Variants in KCNAB1 observed in about 807,000 individuals in gnomAD.
KCNAB1 encodes potassium voltage-gated channel subfamily A regulatory beta subunit 1, also known as voltage-gated potassium channel subunit beta-1.
A neutral mutation model predicts 64.6 loss-of-function variants in KCNAB1; 35 were observed. The ratio of observed to expected loss-of-function variants is 0.54; its 90% CI spans 0.41 to 0.72. The LOEUF is 0.72. Ranked by LOEUF, KCNAB1 falls within the 30% of genes least tolerant of loss-of-function variation. The pLI, the probability that KCNAB1 is intolerant of heterozygous loss-of-function variation, is 0.00. For missense variants in KCNAB1, 401 were observed against 512.9 expected (o/e 0.78, Z 2.11); for synonymous variants, 177 against 183.8 (o/e 0.96, Z 0.30).
chr3:156,176,464 C>G lies in KCNAB1; in HGVS notation c.275+55578C>G, dbSNP rs994705291. The G allele has an allele frequency of 1.1e-4, 86 of 787,202 alleles. No homozygotes were observed. The African/African-American group carries it at 1.3e-3, about 12-fold the overall frequency. 48.8% of individuals were successfully genotyped at this position (787,202 alleles called of 1,614,324 possible). A position where few individuals can be genotyped will look rare whatever the true frequency, so the allele number is the denominator to read the frequency against. ...AGGAATTCACAAAGGAAGTATGTCC[C>G]TTTAGCGTTTTAACCCTCTTGCCCG... On this transcript the variant is annotated intron_variant, in intron 1 of 13. Coordinates refer to ENST00000490337, the MANE Select transcript of KCNAB1 (RefSeq NM_172160.3).
intron 7 of KCNAB1, among the ~76,000 whole-genome samples, chr3:156,473,562 G>C (rs1326814200): frequency 6.6e-6 from 1 of 152,144 alleles, no homozygotes; most frequent in Non-Finnish European, 1.5e-5. Context: ...ACATCTGTCT[G>C]CCCTAATCTC....
intron 1 of KCNAB1, 140 bp from the exon 2 acceptor site, chr3:156,421,476 G>GAC: frequency 1.3e-6 from 1 of 772,154 alleles, no homozygotes; most frequent in Non-Finnish European, 2.1e-6. Context: ...CCTGTCTCAA[G>GAC]ACAATATGCC....
intron 8 of KCNAB1, among the ~76,000 whole-genome samples, chr3:156,484,936 C>T (rs1214505020): frequency 6.6e-6 from 1 of 151,998 alleles, no homozygotes; most frequent in Non-Finnish European, 1.5e-5. Context: ...TTGCTCAGAC[C>T]TTCAGCTTCT....
At chr3:156,469,248 C>CTTTTTTTTTTTTT (rs34567814) in intron 7 of KCNAB1, among the ~76,000 whole-genome samples, 15 of 72,948 alleles carry the variant, frequency 2.1e-4, no homozygotes, top group Admixed American at 3.6e-4. Context: ...TTCTTTCTTT[C>CTTTTTTTTTTTTT]TTTTTTTTTT....
chr3:156,454,499 GC>G (rs1712243722), intron 3 of KCNAB1, among the ~76,000 whole-genome samples: 1 of 152,164 alleles, frequency 6.6e-6, no homozygotes, highest in Non-Finnish European at 1.5e-5. Flanking sequence ...ACAGAGGAAG[GC>G]CATTTGATGG....
chr3:156,292,083 T>C, intron 1 of KCNAB1: 1 of 1,614,092 alleles, frequency 6.2e-7, no homozygotes, highest in Non-Finnish European at 8.5e-7. Flanking sequence ...CAGCATCACA[T>C]TTCTCTCAAA....
chr3:156,486,635 G>A (rs1455926299), intron 8 of KCNAB1, among the ~76,000 whole-genome samples: 1 of 152,166 alleles, frequency 6.6e-6, no homozygotes, highest in East Asian at 1.9e-4. Flanking sequence ...GGGACTGGTA[G>A]GGAAGGTAGT....
chr3:156,443,242 A>G (rs1717135881), intron 2 of KCNAB1, among the ~76,000 whole-genome samples: 1 of 152,114 alleles, frequency 6.6e-6, no homozygotes, highest in Non-Finnish European at 1.5e-5. Flanking sequence ...TTGTTCCGCT[A>G]AACAATGGGA....
intron 1 of KCNAB1, among the ~76,000 whole-genome samples, chr3:156,336,630 G>A (rs1367201475): frequency 6.6e-6 from 1 of 152,206 alleles, no homozygotes; most frequent in East Asian, 1.9e-4. Context: ...GTACATATGT[G>A]TTCATGGTAA....
chr3:156,379,551 C>A (rs1711996054), intron 1 of KCNAB1, among the ~76,000 whole-genome samples: 1 of 152,120 alleles, frequency 6.6e-6, no homozygotes, highest in South Asian at 2.1e-4. Flanking sequence ...CAGGGAACAG[C>A]CTGTGCAAAT....
chr3:156,264,820 T>G (rs1425017965), intron 1 of KCNAB1, among the ~76,000 whole-genome samples: 1 of 152,206 alleles, frequency 6.6e-6, no homozygotes, highest in Non-Finnish European at 1.5e-5. Flanking sequence ...GCGAATCTTG[T>G]TTTATAGGGA....
Position 156,536,740 on chromosome 3 carries a change from G to C in KCNAB1, c.1253G>C (p.Arg418Thr). ...AAGCCCTACAGCAAGAAGGACTATAGATCATAAGGCAATGCATGAACCACA... is the reference window on the plus strand; with the variant it reads ...AAGCCCTACAGCAAGAAGGACTATACATCATAAGGCAATGCATGAACCACA... ...RNKPYSKKDY[R>T]S The change falls in exon 14 of 14, where the codon AGA (arginine) becomes ACA (threonine). Residue 418 changes from arginine to threonine, a missense_variant. Physicochemically the swap from Arg to Thr is moderately conservative, Grantham distance 71. Coordinates refer to ENST00000490337, the MANE Select transcript of KCNAB1 (RefSeq NM_172160.3). 6.2e-7 allele frequency: 1 copy of C among 1,604,746 alleles called. No individual in the cohort carries two copies. The highest frequency in any genetic ancestry group is 1.3e-5 in the African/African-American group (1 of 74,848).
intron 1 of KCNAB1, among the ~76,000 whole-genome samples, chr3:156,328,019 G>A (rs1193072369): frequency 2.0e-5 from 3 of 151,896 alleles, no homozygotes; most frequent in East Asian, 1.9e-4. Flanking sequence ...CCCTACACCT[G>A]CCCACCACCC....
intron 1 of KCNAB1, among the ~76,000 whole-genome samples, chr3:156,149,619 C>T (rs77869371): frequency 0.011 from 1,739 of 152,196 alleles, 38 homozygotes; most frequent in African/African-American, 0.039. Context: ...CTCTTCCCTC[C>T]CTCCTCTCAT....
chr3:156,154,805 G>T (rs1318276891), intron 1 of KCNAB1, among the ~76,000 whole-genome samples: 4 of 152,134 alleles, frequency 2.6e-5, no homozygotes, highest in Non-Finnish European at 5.9e-5. Flanking sequence ...GCAGTGGAGG[G>T]GTCATGCGTT....
intron 1 of KCNAB1, among the ~76,000 whole-genome samples, chr3:156,407,462 G>A (rs78917698): frequency 0.018 from 2,812 of 152,240 alleles, 70 homozygotes; most frequent in African/African-American, 0.064. Context: ...TTCCCCACTA[G>A]GATGTAAGCC....
At chr3:156,443,317 G>C (rs1485018987) in intron 2 of KCNAB1, among the ~76,000 whole-genome samples, 2 of 152,120 alleles carry the variant, frequency 1.3e-5, no homozygotes, top group South Asian at 2.1e-4. Flanking sequence ...GAAGAACATG[G>C]GCAGATTGTA....
intron 1 of KCNAB1, among the ~76,000 whole-genome samples, chr3:156,155,940 G>A (rs1715685894): frequency 3.3e-5 from 5 of 152,228 alleles, no homozygotes; most frequent in Admixed American, 3.3e-4. Flanking sequence ...GAGTTGTGTG[G>A]ATAGTGCTTA....
chr3:156,291,449 C>A, intron 1 of KCNAB1: 3 of 1,011,456 alleles, frequency 3.0e-6, no homozygotes, highest in Non-Finnish European at 2.4e-6. Flanking sequence ...GCGCATCTTG[C>A]GGTAAGCCTG....
Sources: gnomAD v4.1 joint callset for allele counts (sites outside exome capture counted in the v4.1 genomes callset) on GRCh38, gnomAD v4.1.1 for gene constraint, MANE v1.5 for transcripts, NCBI Gene and HGNC (gene_info 2026-07-23, HGNC 2026-07-21) for gene names.